Variants in GABBR2 observed in about 807,000 individuals in gnomAD.
GABBR2 encodes G-protein coupled receptor 51.
Under a neutral mutation model 105.6 loss-of-function variants are expected in GABBR2, and 23 were observed. That is an observed-to-expected ratio of 0.22 (90% CI 0.16 to 0.31). GABBR2 has a LOEUF of 0.31. Ranked by LOEUF, GABBR2 falls within the 10% of genes least tolerant of loss-of-function variation. GABBR2 has a pLI of 1.00. For missense variants in GABBR2, 734 were observed against 1,245.5 expected (o/e 0.59, Z 6.18); for synonymous variants, 478 against 499.7 (o/e 0.96, Z 0.58).
intron 1 of GABBR2, among the ~76,000 whole-genome samples, chr9:98,685,458 C>A (rs556241537): frequency 1.3e-5 from 2 of 152,302 alleles, no homozygotes; most frequent in South Asian, 2.1e-4. Context: ...TAGTCCTGAA[C>A]CCTCTAGAGT....
chr9:98,439,060 T>C (rs1825984025), intron 7 of GABBR2, among the ~76,000 whole-genome samples: 1 of 152,138 alleles, frequency 6.6e-6, no homozygotes, highest in South Asian at 2.1e-4. Context: ...TCACAATATC[T>C]ACCCGCCATC....
intron 7 of GABBR2, among the ~76,000 whole-genome samples, chr9:98,449,468 G>T (rs1002782042): frequency 5.3e-5 from 8 of 152,182 alleles, no homozygotes; most frequent in Non-Finnish European, 1.0e-4. Flanking sequence ...GTGGCCCCAA[G>T]CAATTCTCAG....
At chr9:98,614,478 T>C (rs1442330050) in intron 1 of GABBR2, among the ~76,000 whole-genome samples, 1 of 151,754 alleles carries the variant, frequency 6.6e-6, no homozygotes, top group South Asian at 2.1e-4. Flanking sequence ...TGAGCCGAGG[T>C]TGCGCCAATG....
At chr9:98,404,068 A>G (rs1381222367) in intron 8 of GABBR2, among the ~76,000 whole-genome samples, 2 of 152,146 alleles carry the variant, frequency 1.3e-5, no homozygotes, top group African/African-American at 4.8e-5. Flanking sequence ...AACGTATGAA[A>G]AAAAAAAGGC....
chr9:98,429,121 GGTGTGTGTGTGTGTGTGTGTGTGT>G (rs56248488), intron 7 of GABBR2, among the ~76,000 whole-genome samples: 1 of 145,482 alleles, frequency 6.9e-6, no homozygotes, highest in Non-Finnish European at 1.5e-5. Flanking sequence ...CCAGGTTTTT[GGTGTGTGTGTGTGTGTGTGTGTGT>G]GTGTGTGTGT....
intron 13 of GABBR2, among the ~76,000 whole-genome samples, chr9:98,357,919 G>A (rs1831516389): frequency 6.6e-6 from 1 of 152,068 alleles, no homozygotes; most frequent in African/African-American, 2.4e-5. Context: ...ATTCTGTTCA[G>A]TTTCTCCAGT....
chr9:98,608,213 A>C (rs1225069913), intron 1 of GABBR2: 4 of 838,274 alleles, frequency 4.8e-6, no homozygotes, highest in Admixed American at 2.5e-5. Flanking sequence ...CCGTTTGACC[A>C]ATTTGAGCCA....
At chr9:98,292,511 C>T (rs1830317465) in intron 18 of GABBR2, among the ~76,000 whole-genome samples, 1 of 152,216 alleles carries the variant, frequency 6.6e-6, no homozygotes, top group Admixed American at 6.5e-5. Context: ...GCTGCCCACA[C>T]TTTCCAGAAA....
At chr9:98,320,206 A>G (rs1462242760) in intron 13 of GABBR2, among the ~76,000 whole-genome samples, 1 of 152,020 alleles carries the variant, frequency 6.6e-6, no homozygotes, top group Non-Finnish European at 1.5e-5. Context: ...ACATTTGTGC[A>G]GCCAAAAAAC....
At chr9:98,605,148 C>G (rs1829395955) in intron 1 of GABBR2, among the ~76,000 whole-genome samples, 1 of 152,234 alleles carries the variant, frequency 6.6e-6, no homozygotes, top group Admixed American at 6.5e-5. Flanking sequence ...GCAGCAATGC[C>G]CCTCTCCTTC....
At chr9:98,470,711 T>G (rs1043967903) in intron 6 of GABBR2, among the ~76,000 whole-genome samples, 2 of 152,222 alleles carry the variant, frequency 1.3e-5, no homozygotes, top group Non-Finnish European at 2.9e-5. Flanking sequence ...TGCACTGGCA[T>G]GACTCACCTC....
intron 1 of GABBR2, among the ~76,000 whole-genome samples, chr9:98,666,030 C>T (rs1183304140): frequency 2.6e-5 from 4 of 152,192 alleles, no homozygotes; most frequent in African/African-American, 9.7e-5. Context: ...GCAGATCCTA[C>T]ATAACATCAC....
At chr9:98,557,327 C>A (rs1828603573) in intron 2 of GABBR2, among the ~76,000 whole-genome samples, 1 of 152,162 alleles carries the variant, frequency 6.6e-6, no homozygotes, top group African/African-American at 2.4e-5. Flanking sequence ...CTCCATCAGA[C>A]CTTATCACCT....
At chr9:98,588,041 T>C (rs1184526134) in intron 1 of GABBR2, among the ~76,000 whole-genome samples, 4 of 152,194 alleles carry the variant, frequency 2.6e-5, no homozygotes, top group African/African-American at 4.8e-5. Context: ...CTTGCTTCTT[T>C]TACTTAAATA....
chr9:98,504,984 G>C (rs902104763), intron 3 of GABBR2, among the ~76,000 whole-genome samples: 1 of 152,246 alleles, frequency 6.6e-6, no homozygotes, highest in Non-Finnish European at 1.5e-5. Flanking sequence ...CAGGAGAGCT[G>C]TCATGTAGAG....
intron 9 of GABBR2, among the ~76,000 whole-genome samples, chr9:98,389,717 C>T (rs571963267): frequency 1.3e-5 from 2 of 152,292 alleles, no homozygotes; most frequent in East Asian, 3.9e-4. Flanking sequence ...CTGAGGGTTT[C>T]AGAGCAAATC....
chr9:98,708,589 G>C lies in GABBR2; in HGVS notation c.149C>G (p.Pro50Arg). ...GATGGAGAGCGGCGGGCTGCTGGGC[G>C]GCGGCCGGGGGGCGCCCCGCGCCCA... ...WGWARGAPRP[P>R]PSSPPLSIMG... The change falls in exon 1 of 19, where the codon CCG (proline) becomes CGG (arginine). Residue 50 changes from proline to arginine, a missense_variant. Around this residue, in one of 7 missense-constraint regions of GABBR2, gnomAD observed 70 missense variants for 73.4 expected, o/e 0.95. Transcript: ENST00000259455. 6.8e-7 allele frequency: 1 copy of C among 1,467,176 alleles called. No individual in the cohort carries two copies. Among genetic ancestry groups the C allele is most frequent in the South Asian group, 1.4e-5 (1 of 72,138 alleles). 90.9% of individuals were successfully genotyped at this position (1,467,176 alleles called of 1,614,324 possible).
intron 1 of GABBR2, among the ~76,000 whole-genome samples, chr9:98,660,802 C>T (rs1019534507): frequency 6.6e-5 from 10 of 152,208 alleles, no homozygotes; most frequent in African/African-American, 1.9e-4. Flanking sequence ...TGGTTCTATG[C>T]CCGTGTCTCC....
At chr9:98,665,924 C>A (rs1377341554) in intron 1 of GABBR2, among the ~76,000 whole-genome samples, 1 of 152,230 alleles carries the variant, frequency 6.6e-6, no homozygotes, top group African/African-American at 2.4e-5. Flanking sequence ...TGACTGTAAT[C>A]TACACCTATT....
Sources: allele counts gnomAD v4.1 joint callset (sites outside exome capture counted in the v4.1 genomes callset), GRCh38; gene constraint gnomAD v4.1.1; regional missense constraint gnomAD v4.1.1; transcripts MANE v1.5; gene names NCBI Gene and HGNC (gene_info 2026-07-23, HGNC 2026-07-21).